ZNF385D: variants seen among roughly 807,000 people sequenced by gnomAD.
The protein encoded by ZNF385D is zinc finger protein 385D, also known as zinc finger protein 659.
ZNF385D carries 15 observed loss-of-function variants against 35.8 expected under a neutral mutation model. That is an observed-to-expected ratio of 0.42 (90% CI 0.28 to 0.64). The LOEUF (loss-of-function observed/expected upper bound fraction) is 0.64, where lower values mean the gene tolerates loss of function less well. Among genes scored for constraint, ZNF385D ranks in the 30% least tolerant of loss-of-function variants. The pLI, the probability that ZNF385D is intolerant of heterozygous loss-of-function variation, is 0.23. For missense variants in ZNF385D, 474 were observed against 494.6 expected, an observed-to-expected ratio of 0.96 and a Z score of 0.39; for synonymous variants, 212 against 186.8, an observed-to-expected ratio of 1.13 and a Z score of -1.10.
chr3:22,295,525 A>T (rs1480293567), intron 2 of ZNF385D, among the ~76,000 whole-genome samples: 9 of 152,172 alleles, frequency 5.9e-5, no homozygotes, highest in Non-Finnish European at 1.2e-4. Context: ...GGCTCAAATA[A>T]TCAGAAAGTC....
intron 3 of ZNF385D, among the ~76,000 whole-genome samples, chr3:21,520,232 C>T (rs1209860469): frequency 6.6e-6 from 1 of 152,162 alleles, no homozygotes; most frequent in Non-Finnish European, 1.5e-5. Context: ...ATGTCTGCAT[C>T]GTAGCACTTA....
intron 2 of ZNF385D, among the ~76,000 whole-genome samples, chr3:21,575,428 C>G (rs970881908): frequency 6.6e-6 from 1 of 152,146 alleles, no homozygotes; most frequent in Admixed American, 6.5e-5. Flanking sequence ...TAAATCAGGT[C>G]AAACCCAAAT....
chr3:21,764,845 C>T (rs2335510), intron 3 of ZNF385D, among the ~76,000 whole-genome samples: 63,225 of 151,866 alleles, frequency 0.42, 13,622 homozygotes, highest in South Asian at 0.52. Context: ...ATGCAAGTTG[C>T]GGTATAAGTT....
chr3:21,710,190 A>G (rs1036636636), intron 1 of ZNF385D, among the ~76,000 whole-genome samples: 2 of 152,198 alleles, frequency 1.3e-5, no homozygotes, highest in Non-Finnish European at 2.9e-5. Flanking sequence ...GAGAAAATGG[A>G]ACAGTTTCAT....
At chr3:22,088,058 G>T (rs17010741) in intron 3 of ZNF385D, among the ~76,000 whole-genome samples, 2,618 of 152,284 alleles carry the variant, frequency 0.017, 90 homozygotes, top group African/African-American at 0.059. Context: ...AGTATTGAAG[G>T]AGAGCTTTGT....
chr3:21,576,177 A>C (rs1213466320), intron 2 of ZNF385D, among the ~76,000 whole-genome samples: 1 of 152,114 alleles, frequency 6.6e-6, no homozygotes, highest in Admixed American at 6.6e-5. Context: ...ACACCAGACT[A>C]TTTTTGCACC....
intron 4 of ZNF385D, among the ~76,000 whole-genome samples, chr3:21,480,295 G>T (rs570579530): frequency 2.5e-4 from 38 of 152,028 alleles, no homozygotes; most frequent in Middle Eastern, 6.8e-3. Context: ...TAGATACAGG[G>T]TTTCACCATG....
chr3:21,912,784 T>C (rs966461116), intron 3 of ZNF385D, among the ~76,000 whole-genome samples: 6 of 152,066 alleles, frequency 3.9e-5, no homozygotes, highest in Admixed American at 6.6e-5. Context: ...TTAGAAAAGC[T>C]GTTGATAAGA....
intron 3 of ZNF385D, among the ~76,000 whole-genome samples, chr3:21,522,343 A>T (rs1201686500): frequency 6.6e-6 from 1 of 151,628 alleles, no homozygotes; most frequent in Non-Finnish European, 1.5e-5. Context: ...TTTTGTTTTA[A>T]CTTTTTTTTT....
intron 1 of ZNF385D, among the ~76,000 whole-genome samples, chr3:21,732,699 G>T (rs1322545062): frequency 6.6e-6 from 1 of 152,204 alleles, no homozygotes; most frequent in Non-Finnish European, 1.5e-5. Flanking sequence ...CTTTGGTAAA[G>T]TATCTGCTAA....
chr3:22,008,550 G>A (rs1696366017), intron 3 of ZNF385D, among the ~76,000 whole-genome samples: 1 of 152,024 alleles, frequency 6.6e-6, no homozygotes, highest in South Asian at 2.1e-4. Flanking sequence ...TAGAGACGGG[G>A]TTTCACCGTG....
At chr3:22,215,117 G>C (rs112203787) in intron 2 of ZNF385D, among the ~76,000 whole-genome samples, 1 of 151,844 alleles carries the variant, frequency 6.6e-6, no homozygotes, top group Admixed American at 6.6e-5. Context: ...TTGAAATATC[G>C]GGGGTGACTT....
chr3:21,952,703 T>A (rs180945755), intron 3 of ZNF385D, among the ~76,000 whole-genome samples: 1 of 152,016 alleles, frequency 6.6e-6, no homozygotes, highest in Admixed American at 6.6e-5. Flanking sequence ...TTATTTCATA[T>A]AATTATGGAT....
intron 1 of ZNF385D, among the ~76,000 whole-genome samples, chr3:21,680,257 T>A (rs1216663220): frequency 2.0e-5 from 3 of 152,110 alleles, no homozygotes. Context: ...TTGAATACAC[T>A]GGGTAAATTT....
chr3:22,307,293 TAG>T (rs1703281559), intron 2 of ZNF385D, among the ~76,000 whole-genome samples: 1 of 152,104 alleles, frequency 6.6e-6, no homozygotes, highest in Admixed American at 6.6e-5. Flanking sequence ...AATGATAGAT[TAG>T]AGTCATAATG....
intron 3 of ZNF385D, among the ~76,000 whole-genome samples, chr3:21,947,121 C>G (rs899752814): frequency 2.6e-5 from 4 of 152,220 alleles, no homozygotes; most frequent in African/African-American, 9.6e-5. Flanking sequence ...TTTCAGTTTG[C>G]ACTCATGAAA....
intron 2 of ZNF385D, among the ~76,000 whole-genome samples, chr3:22,182,276 A>G (rs1028769046): frequency 1.3e-5 from 2 of 152,110 alleles, no homozygotes; most frequent in Non-Finnish European, 2.9e-5. Flanking sequence ...TTTGTCAAGA[A>G]AATGTCTTAA....
Position 22,304,300 on chromosome 3 carries a change from T to G in ZNF385D, c.106+68150A>C, listed in dbSNP as rs1197901058. Among the ~76,000 whole-genome samples the G allele has an allele frequency of 2.6e-5, 4 of 152,312 alleles. No homozygotes were observed. In the East Asian group the frequency reaches 7.7e-4, roughly 29 times the overall value. On this transcript the variant is annotated intron_variant, in intron 2 of 5. Transcript: ENST00000494108. The stretch of plus-strand genomic sequence containing the variant: ...TACACTTTATGATTTAATAGATATG[T>G]TGAAGTCAAAATCTTGCTGTTCCTG...
chr3:22,222,794 G>C (rs1450732801), intron 2 of ZNF385D, among the ~76,000 whole-genome samples: 1 of 152,174 alleles, frequency 6.6e-6, no homozygotes, highest in African/African-American at 2.4e-5. Flanking sequence ...ATATTCAGCA[G>C]TTTAGATAAA....
Sources: gnomAD v4.1 joint callset for allele counts (sites outside exome capture counted in the v4.1 genomes callset) on GRCh38, gnomAD v4.1.1 for gene constraint, MANE v1.5 for transcripts, NCBI Gene and HGNC (gene_info 2026-07-23, HGNC 2026-07-21) for gene names.